DIP2C: variants seen among roughly 807,000 people sequenced by gnomAD.
DIP2C encodes DIP2 acetate--CoA ligase C (putative).
DIP2C carries 33 observed loss-of-function variants against 192.4 expected under a neutral mutation model. The ratio of observed to expected loss-of-function variants is 0.17; its 90% CI spans 0.13 to 0.23. The LOEUF (loss-of-function observed/expected upper bound fraction) is 0.23. Ranked by LOEUF, DIP2C falls within the 10% of genes least tolerant of loss-of-function variation. The pLI, the probability that DIP2C is intolerant of heterozygous loss-of-function variation, is 1.00. For missense variants in DIP2C, 1,537 were observed against 2,110.1 expected, an observed-to-expected ratio of 0.73 and a Z score of 5.32; for synonymous variants, 979 against 864.1, an observed-to-expected ratio of 1.13 and a Z score of -2.33.
chr10:657,732 G>GGACCTGCCC (rs1856462665), intron 1 of DIP2C, among the ~76,000 whole-genome samples: 1 of 98,150 alleles, frequency 1.0e-5, no homozygotes. Context: ...TGGACCTGCC[G>GGACCTGCCC]CTGGACCTGA....
At chr10:432,389 T>C (rs1167574317) in intron 4 of DIP2C, among the ~76,000 whole-genome samples, 2 of 152,242 alleles carry the variant, frequency 1.3e-5, no homozygotes, top group African/African-American at 2.4e-5. Flanking sequence ...ATACAGATTG[T>C]TTCCTCCTGT....
chr10:297,488 G>A (rs1290357801), intron 32 of DIP2C, among the ~76,000 whole-genome samples: 2 of 152,174 alleles, frequency 1.3e-5, no homozygotes, highest in African/African-American at 4.8e-5. Context: ...ATAGGATTCA[G>A]CCATAACAGA....
At chr10:384,271 C>CTT (rs35461394) in intron 15 of DIP2C, 125 bp from the exon 16 acceptor site, 691 of 301,568 alleles carry the variant, frequency 2.3e-3, no homozygotes, top group South Asian at 5.3e-3. Flanking sequence ...CCCCACAAAC[C>CTT]TTTTTTTTTT....
At chr10:336,360 G>C (rs759560107) in intron 29 of DIP2C, among the ~76,000 whole-genome samples, 4 of 152,180 alleles carry the variant, frequency 2.6e-5, no homozygotes, top group Admixed American at 2.6e-4. Flanking sequence ...TACTTGTGTT[G>C]GTGGTGGTAA....
At chr10:657,058 A>C (rs368912996) in intron 1 of DIP2C, among the ~76,000 whole-genome samples, 15 of 150,914 alleles carry the variant, frequency 9.9e-5, no homozygotes, top group East Asian at 3.9e-4. Context: ...ACTGGACCTG[A>C]CACTGGACAT....
In DIP2C at chr10:417,482, G is replaced by A. The variant is rs116327274; in HGVS notation, c.739+1583C>T. On this transcript the variant is annotated intron_variant, in intron 6 of 36. Coordinates refer to ENST00000280886, the MANE Select transcript of DIP2C (RefSeq NM_014974.3). ...AATAATGACACCAAAAGGCATTCCA[G>A]GAAAAGTCATCGCACTGGCAATCAG... 3.5e-3 allele frequency among the ~76,000 whole-genome samples: 529 copies of A among 152,336 alleles called. 2 individuals are homozygous for A. The highest frequency in any genetic ancestry group is 0.012 in the African/African-American group (512 of 41,576).
chr10:516,894 C>A (rs1846400447), intron 1 of DIP2C, among the ~76,000 whole-genome samples: 1 of 138,596 alleles, frequency 7.2e-6, no homozygotes, highest in South Asian at 2.4e-4. Context: ...GGAACCCAAG[C>A]CCCTCGCAGA....
intron 1 of DIP2C, among the ~76,000 whole-genome samples, chr10:638,342 C>T (rs1564292671): frequency 6.6e-6 from 1 of 152,270 alleles, no homozygotes; most frequent in East Asian, 1.9e-4. Flanking sequence ...AAAGAGCACG[C>T]TCTATTTAGG....
intron 31 of DIP2C, among the ~76,000 whole-genome samples, chr10:326,412 G>A (rs1018573767): frequency 6.6e-5 from 10 of 152,102 alleles, no homozygotes; most frequent in African/African-American, 2.4e-4. Flanking sequence ...GGGAGGTGGA[G>A]GGATGCACAC....
intron 16 of DIP2C, 59 bp downstream of exon 16, chr10:383,968 A>T: frequency 7.4e-7 from 1 of 1,352,512 alleles, no homozygotes; most frequent in Non-Finnish European, 9.6e-7. Context: ...CTCACGAAAA[A>T]AAAAAAAAAA....
rs145262554 is a variant in DIP2C, at chr10:561,718, C to A, written c.86-75188G>T. ...AATCCAGCAACACAACTCCTGGTCC[C>A]GTCTAGAGCTTGTCTGCCAGGAAGG... is the stretch of plus-strand genomic sequence containing the variant. On this transcript the variant is annotated intron_variant, in intron 1 of 36. Coordinates refer to ENST00000280886, the MANE Select transcript of DIP2C (RefSeq NM_014974.3). Among the ~76,000 whole-genome samples, 12 of 152,298 alleles carry A rather than the reference C, an allele frequency of 7.9e-5. No individual in the cohort carries two copies. The East Asian group carries it at 1.9e-3, about 25-fold the overall frequency.
rs985000907 is a variant in DIP2C at position 666,892 on chromosome 10, A to G, written c.85+22602T>C. 1 of 152,366 alleles carries G rather than the reference A, an allele frequency of 6.6e-6. No individual in the cohort carries two copies. The highest frequency in any genetic ancestry group is 6.5e-5 in the Admixed American group (1 of 15,288). 9.4% of individuals were successfully genotyped at this position (152,366 alleles called of 1,614,324 possible). ...AAGCAGTGCGCCTCCCAAAATCAGA[A>G]GCAGCTAAGCTGACCCCCACCTCAT... On this transcript the variant is annotated intron_variant, in intron 1 of 36. Coordinates refer to ENST00000280886, the MANE Select transcript of DIP2C (RefSeq NM_014974.3). This position sits in a 1 kb window ranked among gnomAD's most constrained non-coding sequence, Gnocchi z 4.1.
At chr10:383,381 A>G (rs754518567) in intron 16 of DIP2C, among the ~76,000 whole-genome samples, 91 of 152,204 alleles carry the variant, frequency 6.0e-4, no homozygotes, top group Non-Finnish European at 1.2e-3. Context: ...GTGGTCAGAT[A>G]CCTTTAATTT....
At chr10:535,742 TCTTTTATGTCAAATATGTAAAGGGAG>T (rs1462868121) in intron 1 of DIP2C, among the ~76,000 whole-genome samples, 33 of 152,120 alleles carry the variant, frequency 2.2e-4, no homozygotes, top group African/African-American at 7.0e-4. Flanking sequence ...TGCACTCAAA[TCTTTTATGTCAAATATGTAAAGGGAG>T]CCTATAGGTT....
At chr10:618,832 G>T (rs754263419) in intron 1 of DIP2C, among the ~76,000 whole-genome samples, 1 of 152,240 alleles carries the variant, frequency 6.6e-6, no homozygotes, top group Non-Finnish European at 1.5e-5. Flanking sequence ...CGTTCAGGCT[G>T]AAGCCGCACG....
At chr10:515,668 G>A (rs1452585914) in intron 1 of DIP2C, among the ~76,000 whole-genome samples, 1 of 152,146 alleles carries the variant, frequency 6.6e-6, no homozygotes, top group Non-Finnish European at 1.5e-5. Context: ...AGGTTGCGGT[G>A]AGCCAAGATC....
At position 548,519 on chromosome 10, in the gene DIP2C, G is replaced by GAGGC. The variant is rs565040745; in HGVS notation, c.86-61993_86-61990dup. On this transcript the variant is annotated intron_variant, in intron 1 of 36. Coordinates refer to ENST00000280886, the MANE Select transcript of DIP2C (RefSeq NM_014974.3). Reference sequence around the variant, plus strand: ...GTGATGTGGCCAGGAGGGAGGGAGGGAGGCAGGCAGGCAGGCAGGCAGGCA... The same window carrying GAGGC: ...GTGATGTGGCCAGGAGGGAGGGAGGGAGGCAGGCAGGCAGGCAGGCAGGCAGGCA... Among the ~76,000 whole-genome samples the GAGGC allele has an allele frequency of 1.2e-3, 136 of 110,646 alleles. 1 individual carries two copies. The highest frequency in any genetic ancestry group is 2.6e-3 in the African/African-American group (52 of 19,772). The allele number at this position is 110,646 out of a possible 152,430, so 72.6% of individuals were successfully genotyped here. A position where few individuals can be genotyped will look rare whatever the true frequency, so the allele number is the denominator to read the frequency against.
intron 4 of DIP2C, among the ~76,000 whole-genome samples, chr10:440,325 A>G (rs1366324946): frequency 2.0e-5 from 3 of 152,236 alleles, no homozygotes; most frequent in Non-Finnish European, 4.4e-5. Context: ...GCTATCACCT[A>G]TGGCTGCTTT....
At chr10:576,244 C>G (rs1564217068) in intron 1 of DIP2C, among the ~76,000 whole-genome samples, 1 of 152,246 alleles carries the variant, frequency 6.6e-6, no homozygotes, top group Non-Finnish European at 1.5e-5. Flanking sequence ...AGGAAGGGAG[C>G]TGTCGCCCAG....
Sources: gnomAD v4.1 joint callset for allele counts (sites outside exome capture counted in the v4.1 genomes callset) on GRCh38, gnomAD v4.1.1 for gene constraint, Gnocchi (gnomAD v3.1) non-coding constraint, MANE v1.5 for transcripts, NCBI Gene and HGNC (gene_info 2026-07-23, HGNC 2026-07-21) for gene names.